Variants in CHD8 observed in about 807,000 individuals in gnomAD.
CHD8 encodes the protein chromodomain helicase DNA binding protein 8.
Under a neutral mutation model 279.2 loss-of-function variants are expected in CHD8, and 31 were observed. The ratio of observed to expected loss-of-function variants is 0.11; its 90% CI spans 0.08 to 0.15. The LOEUF (loss-of-function observed/expected upper bound fraction) is 0.15. Ranked by LOEUF, CHD8 falls within the 10% of genes least tolerant of loss-of-function variation. The pLI, the probability that CHD8 is intolerant of heterozygous loss-of-function variation, is 1.00. For synonymous variants in CHD8, 1,081 were observed against 1,139.6 expected (o/e 0.95, Z 1.04); for missense variants, 2,146 against 3,230.5 (o/e 0.66, Z 8.14).
At chr14:21,438,242 G>T (rs1444242815) in intron 1 of CHD8, among the ~76,000 whole-genome samples, 1 of 151,962 alleles carries the variant, frequency 6.6e-6, no homozygotes, top group Non-Finnish European at 1.5e-5. Context: ...TGTATTTTTA[G>T]TAGAGACAGG....
intron 1 of CHD8, among the ~76,000 whole-genome samples, chr14:21,434,605 C>T (rs1001641834): frequency 6.6e-6 from 1 of 152,018 alleles, no homozygotes; most frequent in African/African-American, 2.4e-5. Flanking sequence ...TTTATCTCTC[C>T]CTTCCCAATT....
intron 1 of CHD8, chr14:21,437,218 T>C: frequency 1.7e-6 from 2 of 1,184,660 alleles, no homozygotes; most frequent in Non-Finnish European, 2.1e-6. Flanking sequence ...GGGGGCCGGT[T>C]CGCCCCTCTC....
intron 1 of CHD8, among the ~76,000 whole-genome samples, chr14:21,438,891 C>T (rs1457301114): frequency 2.0e-5 from 3 of 151,848 alleles, no homozygotes; most frequent in Admixed American, 6.6e-5. Flanking sequence ...ATTTGGGAGG[C>T]CAAGGTGGGC....
rs192361629 is a variant in CHD8 at position 21,418,180 on chromosome 14, T to G, written c.1717-2273A>C. 7.2e-5 allele frequency among the ~76,000 whole-genome samples: 11 copies of G among 152,180 alleles called. No homozygotes were observed. In the East Asian group the frequency reaches 2.1e-3, roughly 29 times the overall value. ...GAAGAAAAAGAACAACAAAAAATTA[T>G]GCTGAAAGAAGTGAGACCCAAAAGT... is the stretch of plus-strand genomic sequence containing the variant. On this transcript the variant is annotated intron_variant, in intron 5 of 37. Coordinates refer to ENST00000646647, the MANE Select transcript of CHD8 (RefSeq NM_001170629.2).
intron 37 of CHD8, among the ~76,000 whole-genome samples, chr14:21,387,708 A>G (rs1887324365): frequency 6.9e-6 from 1 of 144,444 alleles, no homozygotes. Flanking sequence ...CAGGAGGCTG[A>G]GGCAGGAGAA....
chr14:21,452,599 G>C (rs937268312), intron 1 of CHD8, among the ~76,000 whole-genome samples: 1 of 152,000 alleles, frequency 6.6e-6, no homozygotes, highest in African/African-American at 2.4e-5. Context: ...AGCCGAGATC[G>C]CGCCACTGCG....
In CHD8 at chr14:21,414,146, G is replaced by A. The variant is rs187670312; in HGVS notation, c.2142+155C>T. ...TTAAACCTAACAAAACAATGCAAGG[G>A]CAGTTAAGTAAGGGAAGTCAATGAC... On this transcript the variant is annotated intron_variant, in intron 9 of 37. Transcript: ENST00000646647. 8.8e-4 allele frequency: 522 copies of A among 592,328 alleles called. 1 individual carries two copies. In the African/African-American group the frequency reaches 8.8e-3, roughly 10 times the overall value. 36.7% of individuals were successfully genotyped at this position (592,328 alleles called of 1,614,324 possible).
rs1168713576 is a variant in CHD8, at chr14:21,431,775, G to A, written c.-132C>T. ...GTAAGAGGACTACTCTTCAAGTATAGAGGCAAGAAACAAGTGCATGTCAGA... is the reference window on the plus strand; with the variant it reads ...GTAAGAGGACTACTCTTCAAGTATAAAGGCAAGAAACAAGTGCATGTCAGA... On this transcript the variant is annotated 5_prime_UTR_variant, in exon 2 of 38. Coordinates refer to ENST00000646647, the MANE Select transcript of CHD8 (RefSeq NM_001170629.2). The A allele has an allele frequency of 6.2e-7, 1 of 1,613,382 alleles. No individual in the cohort carries two copies. The highest frequency in any genetic ancestry group is 2.2e-5 in the East Asian group (1 of 44,872).
At chr14:21,445,839 A>G (rs771800376) in intron 1 of CHD8, among the ~76,000 whole-genome samples, 1 of 151,006 alleles carries the variant, frequency 6.6e-6, no homozygotes, top group African/African-American at 2.4e-5. Context: ...GTCTCTACTA[A>G]AAGTACAAAA....
At position 21,394,375 on chromosome 14, in the gene CHD8, C is replaced by T. The variant is rs772660830; in HGVS notation, c.5501G>A (p.Arg1834Gln). The T allele has an allele frequency of 1.2e-5, 19 of 1,613,718 alleles. No homozygotes were observed. The highest frequency in any genetic ancestry group is 5.5e-5 in the South Asian group (5 of 91,074). ...FHWDRFRTFA[R>Q]LDKKTDESLT... ...GCTTTCATCTGTCTTTTTGTCTAGTCGAGCAAAAGTGCGGAAGCGATCCCA... is the reference window on the plus strand; with the variant it reads ...GCTTTCATCTGTCTTTTTGTCTAGTTGAGCAAAAGTGCGGAAGCGATCCCA... Residue 1834 changes from arginine to glutamine, a missense_variant, in exon 31 of 38, where the codon CGA becomes CAA. Coordinates refer to ENST00000646647, the MANE Select transcript of CHD8 (RefSeq NM_001170629.2).
At chr14:21,441,069 G>A (rs143841758) in intron 1 of CHD8, among the ~76,000 whole-genome samples, 1 of 152,272 alleles carries the variant, frequency 6.6e-6, no homozygotes, top group East Asian at 1.9e-4. Context: ...AAGTATGCAT[G>A]CACATGACCT....
rs1408534510 is a variant in CHD8 at position 21,400,970 on chromosome 14, C to T, written c.4275G>A (p.Glu1425=). The T allele has an allele frequency of 1.2e-6, 2 of 1,614,026 alleles. No homozygotes were observed. Among genetic ancestry groups the T allele is most frequent in the Admixed American group, 1.7e-5 (1 of 60,032 alleles). ...DLVEFSDLES[E]DDERPRSRRH... is the part of the protein sequence containing the mutation. Reference sequence around the variant, plus strand: ...TGCGGGAGCGTGGCCGCTCATCATCCTCACTTTCCAAATCAGAGAATTCCA... The same window carrying T: ...TGCGGGAGCGTGGCCGCTCATCATCTTCACTTTCCAAATCAGAGAATTCCA... The change falls in exon 22 of 38, where the codon GAG becomes GAA. Residue 1425 remains glutamate (E), a synonymous_variant. Coordinates refer to ENST00000646647, the MANE Select transcript of CHD8 (RefSeq NM_001170629.2). The surrounding 1 kb of genome is among the most constrained non-coding windows in gnomAD (Gnocchi z 4.2).
At chr14:21,448,491 A>G (rs973350883) in intron 1 of CHD8, among the ~76,000 whole-genome samples, 5 of 152,208 alleles carry the variant, frequency 3.3e-5, no homozygotes, top group African/African-American at 1.2e-4. Context: ...CACAGCTTTA[A>G]CAGGCTACTG....
chr14:21,428,476 T>C (rs1889422451), intron 3 of CHD8, among the ~76,000 whole-genome samples: 1 of 152,212 alleles, frequency 6.6e-6, no homozygotes, highest in African/African-American at 2.4e-5. Context: ...CTTTAGTATC[T>C]TTTTGCTATG....
chr14:21,405,724 T>A lies in CHD8; in HGVS notation c.3048A>T (p.Glu1016Asp). 1 of 1,613,556 alleles carries A rather than the reference T, an allele frequency of 6.2e-7. No homozygotes were observed. The highest frequency in any genetic ancestry group is 1.1e-5 in the South Asian group (1 of 91,016). The change falls in exon 15 of 38, where the codon GAA (glutamate) becomes GAT (aspartate). Residue 1016 changes from glutamate to aspartate, a missense_variant. This residue lies in a region of CHD8 where 211 missense variants were observed against 464.7 expected (regional missense o/e 0.45). Coordinates refer to ENST00000646647, the MANE Select transcript of CHD8 (RefSeq NM_001170629.2). The surrounding 1 kb of genome is among the most constrained non-coding windows in gnomAD (Gnocchi z 4.2). ...CCTCATCAGATAGATTTCCTACCTGTTCCTCTGTCTTGAGATCCCCAAAGT... is the reference window on the plus strand; with the variant it reads ...CCTCATCAGATAGATTTCCTACCTGATCCTCTGTCTTGAGATCCCCAAAGT... Reference protein sequence around the residue: ...LKDFGDLKTEEQVQKLQAILK... With the variant: ...LKDFGDLKTEDQVQKLQAILK...
At chr14:21,422,153 C>T (rs534791049) in intron 5 of CHD8, among the ~76,000 whole-genome samples, 1 of 152,220 alleles carries the variant, frequency 6.6e-6, no homozygotes, top group Admixed American at 6.5e-5. Context: ...CCAGCCTGGC[C>T]AACATGGTGA....
intron 1 of CHD8, among the ~76,000 whole-genome samples, chr14:21,445,892 C>T (rs554260878): frequency 2.0e-4 from 29 of 148,264 alleles, no homozygotes; most frequent in African/African-American, 7.0e-4. Context: ...CCCAGCTACT[C>T]GGGAGGCTGA....
intron 16 of CHD8, among the ~76,000 whole-genome samples, chr14:21,404,080 CAG>C (rs2139471483): frequency 6.7e-6 from 1 of 148,660 alleles, no homozygotes; most frequent in Admixed American, 6.7e-5. Context: ...GCCTGGGTGA[CAG>C]AGCGAGACTC....
chr14:21,417,016 C>G (rs1888752596), intron 5 of CHD8, among the ~76,000 whole-genome samples: 1 of 152,142 alleles, frequency 6.6e-6, no homozygotes, highest in African/African-American at 2.4e-5. Flanking sequence ...AGGAGAATGG[C>G]TTGAACCCGG....
Sources: gnomAD v4.1 joint callset for allele counts (sites outside exome capture counted in the v4.1 genomes callset) on GRCh38, gnomAD v4.1.1 for gene constraint, gnomAD v4.1.1 regional missense constraint, Gnocchi (gnomAD v3.1) non-coding constraint, MANE v1.5 for transcripts, NCBI Gene and HGNC (gene_info 2026-07-23, HGNC 2026-07-21) for gene names.